The following AASS variants were observed in gnomAD, a reference collection of about 807,000 sequenced individuals.
The protein encoded by AASS is alpha-aminoadipic semialdehyde synthase, mitochondrial.
A neutral mutation model predicts 105.4 loss-of-function variants in AASS; 86 were observed. That is an observed-to-expected ratio of 0.82 (90% CI 0.69 to 0.98). The LOEUF (loss-of-function observed/expected upper bound fraction) is 0.98. AASS is among the 50% of genes least tolerant of loss of function. The pLI, the probability that AASS is intolerant of heterozygous loss-of-function variation, is 0.00. For synonymous variants in AASS, 381 were observed against 394.8 expected, an observed-to-expected ratio of 0.96 and a Z score of 0.41; for missense variants, 1,048 against 1,143.2, an observed-to-expected ratio of 0.92 and a Z score of 1.20.
chr7:122,095,567 T>C (rs1298722715), intron 15 of AASS, among the ~76,000 whole-genome samples: 1 of 132,174 alleles, frequency 7.6e-6, no homozygotes, highest in Non-Finnish European at 1.6e-5. Flanking sequence ...ATAGTTCAGA[T>C]TTTCTCTACT....
chr7:122,142,947 T>C (rs1301017338), intron 1 of AASS, among the ~76,000 whole-genome samples: 1 of 152,080 alleles, frequency 6.6e-6, no homozygotes, highest in African/African-American at 2.4e-5. Flanking sequence ...TGATAACAAA[T>C]ATGATTATCT....
intron 4 of AASS, among the ~76,000 whole-genome samples, chr7:122,125,971 G>A (rs1367167555): frequency 6.6e-6 from 1 of 152,092 alleles, no homozygotes; most frequent in African/African-American, 2.4e-5. Flanking sequence ...AACATATTGT[G>A]GTGTTTCTTA....
rs777413121 is a variant in AASS, at chr7:122,133,625, G to A, written c.102C>T (p.Asn34=). The A allele has an allele frequency of 1.1e-5, 18 of 1,614,042 alleles. No individual in the cohort carries two copies. Among genetic ancestry groups the A allele is most frequent in the Admixed American group, 8.3e-5 (5 of 59,998 alleles). The change falls in exon 2 of 24, where the codon AAC becomes AAT. Residue 34 remains asparagine (N), a synonymous_variant. Transcript: ENST00000417368. ...AVLAVRREDV[N]AWERRAPLAP... ...CTAGCGGGGCCCTTCTCTCCCAGGC[G>A]TTCACATCCTCCCTCCGGACGGCCA...
At chr7:122,110,046 G>A (rs1470726823) in intron 11 of AASS, among the ~76,000 whole-genome samples, 1 of 151,918 alleles carries the variant, frequency 6.6e-6, no homozygotes, top group Non-Finnish European at 1.5e-5. Flanking sequence ...AGAAACACAG[G>A]AAAACAATTA....
At chr7:122,077,709 G>C in intron 23 of AASS, 129 bp downstream of exon 23, 1 of 1,214,538 alleles carries the variant, frequency 8.2e-7, no homozygotes, top group Non-Finnish European at 1.2e-6. Context: ...TCCGCGCTTG[G>C]ATCTTCTAAG....
At chr7:122,088,408 A>C (rs972038502) in intron 18 of AASS, among the ~76,000 whole-genome samples, 2 of 152,100 alleles carry the variant, frequency 1.3e-5, no homozygotes, top group Non-Finnish European at 2.9e-5. Context: ...GAAACAACTC[A>C]TTTTTCAGAG....
At chr7:122,085,466 C>A (rs1238789249) in intron 19 of AASS, among the ~76,000 whole-genome samples, 1 of 151,848 alleles carries the variant, frequency 6.6e-6, no homozygotes, top group African/African-American at 2.4e-5. Context: ...CCTTTCATCC[C>A]GTCCGTTTCC....
At chr7:122,101,520 G>C in intron 12 of AASS, 82 bp from the exon 13 acceptor site, 1 of 1,480,322 alleles carries the variant, frequency 6.8e-7, no homozygotes, top group Admixed American at 1.7e-5. Flanking sequence ...ATAGAGAAAA[G>C]ACAGAATGAC....
At position 122,133,688 on chromosome 7, in the gene AASS, C is replaced by A. The variant is rs1331771946; in HGVS notation, c.39G>T (p.Gly13=). The change falls in exon 2 of 24, where the codon GGG becomes GGT. Residue 13 remains glycine (G), a synonymous_variant. Transcript: ENST00000417368. The stretch of plus-strand genomic sequence containing the variant: ...GGTGAAGACCCTTGGAGAGGCTGAC[C>A]CCCAGCCTGCCCAGTCCAGTCCTAT... ...QVHRTGLGRL[G]VSLSKGLHHK... is the part of the protein sequence containing the mutation. 1 of 1,614,124 alleles carries A rather than the reference C, an allele frequency of 6.2e-7. No homozygotes were observed. The highest frequency in any genetic ancestry group is 1.7e-4 in the Middle Eastern group (1 of 6,060).
intron 11 of AASS, among the ~76,000 whole-genome samples, chr7:122,109,107 C>T (rs972098313): frequency 2.0e-5 from 3 of 151,658 alleles, no homozygotes; most frequent in African/African-American, 7.3e-5. Context: ...GATCTCTATA[C>T]TAAAAACTGT....
At chr7:122,112,786 G>C (rs1051925602) in intron 11 of AASS, among the ~76,000 whole-genome samples, 1 of 152,100 alleles carries the variant, frequency 6.6e-6, no homozygotes, top group African/African-American at 2.4e-5. Context: ...GGCACAATAA[G>C]AGTGCCCCAA....
intron 11 of AASS, among the ~76,000 whole-genome samples, chr7:122,110,784 A>C (rs1394575452): frequency 1.3e-5 from 2 of 151,806 alleles, no homozygotes; most frequent in South Asian, 2.1e-4. Context: ...ATATATATAT[A>C]TCTCCACAAC....
In AASS at chr7:122,118,310, A is replaced by G; in HGVS notation, c.684T>C (p.Ser228=). ...TFVFTGTGNV[S]KGAQAIFNEL... ...AAGGAAGTCAGGTAAAAGTTACCTT[A>G]GAAACATTACCAGTTCCTGTGAACA... is the stretch of plus-strand genomic sequence containing the variant. Residue 228 remains serine (S), a synonymous_variant, in exon 6 of 24, where the codon TCT becomes TCC. Transcript: ENST00000417368. 1 of 1,614,058 alleles carries G rather than the reference A, an allele frequency of 6.2e-7. No individual in the cohort carries two copies. Among genetic ancestry groups the G allele is most frequent in the Non-Finnish European group, 8.5e-7 (1 of 1,179,998 alleles).
At chr7:122,109,409 G>C (rs553143658) in intron 11 of AASS, among the ~76,000 whole-genome samples, 51 of 152,114 alleles carry the variant, frequency 3.4e-4, no homozygotes, top group African/African-American at 1.2e-3. Context: ...ATACTACAAA[G>C]CTATAGTAAC....
chr7:122,141,249 T>C (rs989694463), intron 1 of AASS, among the ~76,000 whole-genome samples: 9 of 152,214 alleles, frequency 5.9e-5, no homozygotes, highest in African/African-American at 2.2e-4. Context: ...GGAGGTCTAT[T>C]AGTGTTAACT....
intron 4 of AASS, among the ~76,000 whole-genome samples, chr7:122,119,251 T>G (rs1795329882): frequency 6.6e-6 from 1 of 152,170 alleles, no homozygotes; most frequent in South Asian, 2.1e-4. Flanking sequence ...GCAATTCCTT[T>G]TATATTATTC....
intron 23 of AASS, among the ~76,000 whole-genome samples, chr7:122,077,301 T>C (rs1793067815): frequency 6.6e-6 from 1 of 152,214 alleles, no homozygotes; most frequent in Non-Finnish European, 1.5e-5. Flanking sequence ...TTTTTATTCA[T>C]TTAGTCTAAA....
chr7:122,119,238 G>A (rs1486240639), intron 4 of AASS, among the ~76,000 whole-genome samples: 1 of 152,114 alleles, frequency 6.6e-6, no homozygotes, highest in Non-Finnish European at 1.5e-5. Flanking sequence ...CCCTCTTCCT[G>A]TGGCAATTCC....
chr7:122,122,062 G>A (rs138767470), intron 4 of AASS, among the ~76,000 whole-genome samples: 199 of 152,024 alleles, frequency 1.3e-3, no homozygotes, highest in African/African-American at 4.2e-3. Context: ...CTATGTATAT[G>A]GTTCCCTTTT....
Sources: allele counts gnomAD v4.1 joint callset (sites outside exome capture counted in the v4.1 genomes callset), GRCh38; gene constraint gnomAD v4.1.1; transcripts MANE v1.5; gene names NCBI Gene and HGNC (gene_info 2026-07-23, HGNC 2026-07-21).